TF: variants seen among roughly 807,000 people sequenced by gnomAD.
The protein encoded by TF is transferrin, also known as serotransferrin.
Under a neutral mutation model 82.4 loss-of-function variants are expected in TF, and 55 were observed. That is an observed-to-expected ratio of 0.67 (90% CI 0.54 to 0.84). The LOEUF is 0.84. Ranked by LOEUF, TF falls within the 40% of genes least tolerant of loss-of-function variation. TF has a pLI of 0.00. For synonymous variants in TF, 332 were observed against 332.6 expected (o/e 1.00, Z 0.02); for missense variants, 737 against 868.4 (o/e 0.85, Z 1.90).
chr3:133,707,190 TCA>T, the TF span, among the ~76,000 whole-genome samples: 382 of 144,670 alleles, frequency 2.6e-3, 1 homozygote, highest in South Asian at 7.1e-3. Context: ...AACCTCAGAG[TCA>T]CACACACACA....
chr3:133,731,138 G>A, the TF span, among the ~76,000 whole-genome samples: 9 of 152,164 alleles, frequency 5.9e-5, no homozygotes, highest in African/African-American at 1.2e-4. Context: ...TTAAACAAGG[G>A]AGTTTGCTCT....
chr3:133,717,140 C>T, the TF span, among the ~76,000 whole-genome samples: 1 of 152,138 alleles, frequency 6.6e-6, no homozygotes, highest in Non-Finnish European at 1.5e-5. Context: ...ATTTTCTCTA[C>T]TTACCTTGCT....
chr3:133,684,191 C>G, the TF span, among the ~76,000 whole-genome samples: 1 of 152,020 alleles, frequency 6.6e-6, no homozygotes, highest in African/African-American at 2.4e-5. Context: ...TCTCTGGGAC[C>G]CATTTAAAGC....
the TF span, among the ~76,000 whole-genome samples, chr3:133,676,632 G>C: frequency 1.3e-5 from 2 of 152,222 alleles, no homozygotes; most frequent in African/African-American, 4.8e-5. Context: ...GCCCCTCCCT[G>C]GCTCAGCACG....
intron 2 of TF, among the ~76,000 whole-genome samples, chr3:133,749,298 GATCTTTTTGTTC>G (rs968306119): frequency 1.3e-5 from 2 of 152,164 alleles, no homozygotes; most frequent in African/African-American, 4.8e-5. Flanking sequence ...GGTGACAGCT[GATCTTTTTGTTC>G]TTAGGTCTAC....
the TF span, among the ~76,000 whole-genome samples, chr3:133,738,878 G>A: frequency 6.6e-6 from 1 of 152,148 alleles, no homozygotes. Context: ...TGTTAAAATG[G>A]CCATACTGCC....
intron 9 of TF, among the ~76,000 whole-genome samples, chr3:133,759,772 C>T (rs1044125482): frequency 1.3e-5 from 2 of 152,186 alleles, no homozygotes; most frequent in Admixed American, 6.5e-5. Context: ...AGGAGGATTG[C>T]TTGAGCCCAG....
chr3:133,758,820 G>A (rs997722292), intron 8 of TF, among the ~76,000 whole-genome samples: 4 of 152,114 alleles, frequency 2.6e-5, no homozygotes, highest in African/African-American at 9.7e-5. Flanking sequence ...TGGAGCTTCT[G>A]TTCTCCTGCA....
chr3:133,777,283 G>A (rs1934419483), intron 16 of TF, 45 bp downstream of exon 16: 3 of 1,590,876 alleles, frequency 1.9e-6, no homozygotes, highest in South Asian at 2.2e-5. Context: ...CAAACATGGT[G>A]GTGAGTGCTG....
At chr3:133,679,469 A>G in the TF span, among the ~76,000 whole-genome samples, 1 of 151,824 alleles carries the variant, frequency 6.6e-6, no homozygotes, top group Non-Finnish European at 1.5e-5. Flanking sequence ...CACCCGCAAA[A>G]TGCCCCCAGT....
intron 14 of TF, chr3:133,770,993 T>A (rs1035174516): frequency 8.7e-6 from 2 of 229,566 alleles, no homozygotes; most frequent in Middle Eastern, 1.5e-3. Context: ...TTTATAGCTA[T>A]TTACTGTACT....
At chr3:133,707,103 T>C in the TF span, among the ~76,000 whole-genome samples, 1 of 151,810 alleles carries the variant, frequency 6.6e-6, no homozygotes, top group African/African-American at 2.4e-5. Context: ...CAAGCATACT[T>C]AGAGGATGGT....
the TF span, among the ~76,000 whole-genome samples, chr3:133,738,674 C>T: frequency 5.2e-4 from 79 of 152,230 alleles, no homozygotes; most frequent in South Asian, 0.015. Context: ...CAATAACAGA[C>T]AAACAGAGCA....
chr3:133,732,779 T>C, the TF span, among the ~76,000 whole-genome samples: 2 of 152,096 alleles, frequency 1.3e-5, no homozygotes, highest in African/African-American at 4.8e-5. Context: ...CCTGCAGCTT[T>C]GTTCTTGAAC....
intron 14 of TF, among the ~76,000 whole-genome samples, chr3:133,771,519 T>C (rs941188573): frequency 4.6e-5 from 7 of 151,556 alleles, no homozygotes; most frequent in Non-Finnish European, 1.0e-4. Flanking sequence ...GGGTGGATCA[T>C]GAGGTCAGGA....
chr3:133,682,801 G>A, the TF span, among the ~76,000 whole-genome samples: 4 of 152,226 alleles, frequency 2.6e-5, no homozygotes, highest in Non-Finnish European at 5.9e-5. Flanking sequence ...TTATTCAGGA[G>A]AACTTCCCCA....
chr3:133,686,510 C>T, the TF span, among the ~76,000 whole-genome samples: 3 of 152,122 alleles, frequency 2.0e-5, no homozygotes, highest in African/African-American at 7.2e-5. Context: ...AAGAAAAAAT[C>T]AAACAACCCC....
Position 133,757,000 on chromosome 3 carries a change from C to G in TF, c.861C>G (p.Asn287Lys). The change falls in exon 7 of 17, where the codon AAC becomes AAG. Residue 287 changes from asparagine to lysine, a missense_variant. Transcript: ENST00000402696. ...AGGACTTGATCTGGGAGCTTCTCAA[C>G]CAGGCCCAGGTATCCCCACCTGCCA... is the stretch of plus-strand genomic sequence containing the variant. ...GKEDLIWELL[N>K]QAQEHFGKDK... 6.2e-7 allele frequency: 1 copy of G among 1,614,158 alleles called. No individual in the cohort carries two copies. The highest frequency in any genetic ancestry group is 8.5e-7 in the Non-Finnish European group (1 of 1,180,018).
chr3:133,732,683 G>A, the TF span, among the ~76,000 whole-genome samples: 1 of 152,120 alleles, frequency 6.6e-6, no homozygotes, highest in African/African-American at 2.4e-5. Context: ...CACACCAGAA[G>A]GAAAAAACTC....
Sources: allele counts gnomAD v4.1 joint callset (sites outside exome capture counted in the v4.1 genomes callset), GRCh38; gene constraint gnomAD v4.1.1; transcripts MANE v1.5; gene names NCBI Gene and HGNC (gene_info 2026-07-23, HGNC 2026-07-21).